Variants in VWA5B1 observed in about 807,000 individuals in gnomAD.
VWA5B1 encodes von Willebrand factor A domain-containing protein 5B1.
A neutral mutation model predicts 118.2 loss-of-function variants in VWA5B1; 115 were observed. That is an observed-to-expected ratio of 0.97 (90% CI 0.84 to 1.14). The LOEUF (loss-of-function observed/expected upper bound fraction) is 1.14, where lower values mean the gene tolerates loss of function less well. Ranked by LOEUF, VWA5B1 falls within the 50% of genes most tolerant of loss-of-function variation. The pLI is 0.00. For missense variants in VWA5B1, 1,596 were observed against 1,603.8 expected, an observed-to-expected ratio of 1.00 and a Z score of 0.08; for synonymous variants, 682 against 658.4, an observed-to-expected ratio of 1.04 and a Z score of -0.55.
In VWA5B1 at chr1:20,354,368, T is replaced by G. The variant is rs2090192590; in HGVS notation, c.*105T>G. ...AGCTTTTGGAGCTGTAACTAATATT[T>G]CAGTTACTAGAAAGAGCCCTGGACT... On this transcript the variant is annotated 3_prime_UTR_variant, in exon 22 of 22. Transcript: ENST00000289815. The G allele has an allele frequency of 7.3e-7, 1 of 1,362,198 alleles. No individual in the cohort carries two copies. Among genetic ancestry groups the G allele is most frequent in the Non-Finnish European group, 9.7e-7 (1 of 1,025,962 alleles). 84.4% of individuals were successfully genotyped at this position (1,362,198 alleles called of 1,614,324 possible). A position where few individuals can be genotyped will look rare whatever the true frequency, so the allele number is the denominator to read the frequency against.
At chr1:20,308,981 TCA>T (rs1352845108) in intron 1 of VWA5B1, among the ~76,000 whole-genome samples, 1 of 152,136 alleles carries the variant, frequency 6.6e-6, no homozygotes, top group Admixed American at 6.5e-5. Context: ...GAATCTGACC[TCA>T]GACTTCTATC....
At chr1:20,320,892 C>G (rs77045255) in intron 7 of VWA5B1, among the ~76,000 whole-genome samples, 18,868 of 152,054 alleles carry the variant, frequency 0.12, 1,743 homozygotes, top group East Asian at 0.51. Flanking sequence ...CAAAAGAGCC[C>G]GTCTGGGCTG....
At chr1:20,318,003 G>A (rs984917581) in intron 5 of VWA5B1, among the ~76,000 whole-genome samples, 5 of 149,640 alleles carry the variant, frequency 3.3e-5, no homozygotes, top group Non-Finnish European at 7.4e-5. Flanking sequence ...CATATCAGAA[G>A]CACCCAGAGA....
intron 17 of VWA5B1, among the ~76,000 whole-genome samples, chr1:20,346,040 A>G (rs894879661): frequency 6.6e-6 from 1 of 152,248 alleles, no homozygotes; most frequent in Non-Finnish European, 1.5e-5. Context: ...ATCATTTTAC[A>G]TGAATTGGAT....
chr1:20,299,398 GTTTTGT>G (rs902876100), intron 1 of VWA5B1, among the ~76,000 whole-genome samples: 6 of 152,066 alleles, frequency 3.9e-5, no homozygotes, highest in Non-Finnish European at 8.8e-5. Flanking sequence ...TTGGTTTTTT[GTTTTGT>G]TTTTGTTTTT....
chr1:20,301,342 G>A (rs1196716978), intron 1 of VWA5B1, among the ~76,000 whole-genome samples: 4 of 152,218 alleles, frequency 2.6e-5, no homozygotes, highest in Non-Finnish European at 4.4e-5. Flanking sequence ...ATAGGACAGT[G>A]TCTCCCTTGC....
intron 14 of VWA5B1, among the ~76,000 whole-genome samples, chr1:20,339,991 G>A (rs2089831904): frequency 6.6e-6 from 1 of 152,140 alleles, no homozygotes; most frequent in Non-Finnish European, 1.5e-5. Flanking sequence ...GCAGCGCCTG[G>A]CCCAGCACCT....
At chr1:20,346,318 C>T (rs182027079) in intron 17 of VWA5B1, among the ~76,000 whole-genome samples, 22 of 152,148 alleles carry the variant, frequency 1.4e-4, no homozygotes, top group Non-Finnish European at 2.8e-4. Context: ...GTCACACAGC[C>T]GTGATGGGCT....
chr1:20,343,465 C>T, intron 16 of VWA5B1, 72 bp downstream of exon 16: 2 of 1,444,776 alleles, frequency 1.4e-6, no homozygotes, highest in East Asian at 2.5e-5. Flanking sequence ...AGCCGCTCCC[C>T]CTTCCCCACC....
rs1351649709 is a variant in VWA5B1, at chr1:20,345,441, T to C, written c.2627-15T>C. 3 of 1,550,608 alleles carry C rather than the reference T, an allele frequency of 1.9e-6. No individual in the cohort carries two copies. Among genetic ancestry groups the C allele is most frequent in the Non-Finnish European group, 2.6e-6 (3 of 1,146,964 alleles). On this transcript the variant is annotated splice_polypyrimidine_tract_variant and intron_variant, in intron 16 of 21. Transcript: ENST00000289815. The stretch of plus-strand genomic sequence containing the variant: ...TTCTGAGTCCAAACAGTGACCCCAG[T>C]TTCTCCCTCCACAGGGTCCAACCGC...
At position 20,354,118 on chromosome 1, in the gene VWA5B1, A is replaced by C; in HGVS notation, c.3503A>C (p.Asn1168Thr). 1 of 1,551,502 alleles carries C rather than the reference A, an allele frequency of 6.4e-7. No homozygotes were observed. Among genetic ancestry groups the C allele is most frequent in the African/African-American group, 1.4e-5 (1 of 73,164 alleles). The change falls in exon 22 of 22, where the codon AAC (asparagine) becomes ACC (threonine). Residue 1168 changes from asparagine (N) to threonine (T), a missense_variant. Coordinates refer to ENST00000289815, the MANE Select transcript of VWA5B1 (RefSeq NM_001039500.3). ...TGGGAGTTGGTGGCTGCCAAGGCCA[A>C]CTCATGGCTGGAGCAGCAGGAAGTA... is the stretch of plus-strand genomic sequence containing the variant. ...TEWELVAAKA[N>T]SWLEQQEVPE...
Position 20,354,126 on chromosome 1 carries a change from C to T in VWA5B1, c.3511C>T (p.Leu1171=), listed in dbSNP as rs556207672. The change falls in exon 22 of 22, where the codon CTG becomes TTG. Residue 1171 remains leucine, a synonymous_variant. Transcript: ENST00000289815. ...ELVAAKANSW[L]EQQEVPEGRT... ...GGTGGCTGCCAAGGCCAACTCATGGCTGGAGCAGCAGGAAGTACCCGAGGG... is the reference window on the plus strand; with the variant it reads ...GGTGGCTGCCAAGGCCAACTCATGGTTGGAGCAGCAGGAAGTACCCGAGGG... 8 of 1,551,446 alleles carry T rather than the reference C, an allele frequency of 5.2e-6. No individual in the cohort carries two copies. The East Asian group carries it at 1.5e-4, about 28-fold the overall frequency.
intron 17 of VWA5B1, among the ~76,000 whole-genome samples, chr1:20,347,741 A>G (rs1249056737): frequency 6.6e-6 from 1 of 151,920 alleles, no homozygotes; most frequent in Non-Finnish European, 1.5e-5. Context: ...AACATTACAG[A>G]CATGAACCAC....
At position 20,350,248 on chromosome 1, in the gene VWA5B1, G is replaced by T. The variant is rs187574814; in HGVS notation, c.2953+18G>T. ...TTCTGAAGGTGAGTGGGCAGGTGGC[G>T]CTGCCTCTTCATCAAGATGGTGACA... On this transcript the variant is annotated intron_variant, in intron 19 of 21. Coordinates refer to ENST00000289815, the MANE Select transcript of VWA5B1 (RefSeq NM_001039500.3). 5 of 1,550,524 alleles carry T rather than the reference G, an allele frequency of 3.2e-6. No individual in the cohort carries two copies. The highest frequency in any genetic ancestry group is 3.9e-5 in the Admixed American group (2 of 51,012).
Position 20,354,290 on chromosome 1 carries a change from G to T in VWA5B1, c.*27G>T, listed in dbSNP as rs1157411049. 1 of 1,470,978 alleles carries T rather than the reference G, an allele frequency of 6.8e-7. No homozygotes were observed. Among genetic ancestry groups the T allele is most frequent in the Non-Finnish European group, 9.2e-7 (1 of 1,088,914 alleles). The allele number at this position is 1,470,978 out of a possible 1,614,324, so 91.1% of individuals were successfully genotyped here. On this transcript the variant is annotated 3_prime_UTR_variant, in exon 22 of 22. Coordinates refer to ENST00000289815, the MANE Select transcript of VWA5B1 (RefSeq NM_001039500.3). The stretch of plus-strand genomic sequence containing the variant: ...TGAGTGACGGGGAGGCTGGGTGGAG[G>T]GAAGGGTGGGGAGGAGAGGGATGGG...
At chr1:20,333,055 A>T (rs1384693090) in intron 12 of VWA5B1, 104 bp downstream of exon 12, 3 of 1,369,854 alleles carry the variant, frequency 2.2e-6, no homozygotes, top group Non-Finnish European at 3.0e-6. Flanking sequence ...AACCAACTGG[A>T]AGTGGGTTTG....
At chr1:20,301,252 G>A (rs898887494) in intron 1 of VWA5B1, among the ~76,000 whole-genome samples, 11 of 152,224 alleles carry the variant, frequency 7.2e-5, no homozygotes, top group Non-Finnish European at 1.2e-4. Flanking sequence ...GAGTGAAGCC[G>A]GAAGGATAAC....
At chr1:20,346,462 G>GGGAATAA (rs1177793239) in intron 17 of VWA5B1, among the ~76,000 whole-genome samples, 2 of 152,112 alleles carry the variant, frequency 1.3e-5, no homozygotes, top group Non-Finnish European at 2.9e-5. Context: ...TTTGGTTATT[G>GGGAATAA]TAAATTATAC....
intron 2 of VWA5B1, among the ~76,000 whole-genome samples, chr1:20,312,334 C>T (rs1441867854): frequency 2.0e-5 from 3 of 152,150 alleles, no homozygotes; most frequent in African/African-American, 7.2e-5. Flanking sequence ...CACTACAAAC[C>T]CTGGGAATTA....
Sources: gnomAD v4.1 joint callset for allele counts (sites outside exome capture counted in the v4.1 genomes callset) on GRCh38, gnomAD v4.1.1 for gene constraint, MANE v1.5 for transcripts, NCBI Gene and HGNC (gene_info 2026-07-23, HGNC 2026-07-21) for gene names.